The following PYROXD2 variants were observed in gnomAD, a reference collection of about 807,000 sequenced individuals.
The protein encoded by PYROXD2 is pyridine nucleotide-disulphide oxidoreductase domain 2.
PYROXD2 carries 69 observed loss-of-function variants against 71.1 expected under a neutral mutation model. The observed-to-expected ratio is 0.97, with a 90% CI of 0.80 to 1.19. PYROXD2 has a LOEUF of 1.19. Among genes scored for constraint, PYROXD2 ranks in the 50% most tolerant of loss-of-function variants. The probability of loss-of-function intolerance (pLI) is 0.00; values close to 1 mark genes in which losing one functional copy is unlikely to be tolerated. For synonymous variants in PYROXD2, 287 were observed against 302.7 expected (o/e 0.95, Z 0.54); for missense variants, 745 against 748.9 (o/e 0.99, Z 0.06).
chr10:98,409,523 A>G (rs1843717937), intron 2 of PYROXD2, among the ~76,000 whole-genome samples: 1 of 152,206 alleles, frequency 6.6e-6, no homozygotes, highest in African/African-American at 2.4e-5. Flanking sequence ...AAACTAGACT[A>G]ACTACAAGTG....
chr10:98,387,632 T>TG, intron 13 of PYROXD2, among the ~76,000 whole-genome samples: 4 of 47,274 alleles, frequency 8.5e-5, no homozygotes, highest in African/African-American at 1.3e-4. Flanking sequence ...CTGTTTTTTT[T>TG]TTTTTTTTTT....
chr10:98,410,078 C>CA (rs951536827), intron 2 of PYROXD2, among the ~76,000 whole-genome samples: 96 of 133,606 alleles, frequency 7.2e-4, no homozygotes, highest in African/African-American at 2.9e-3. Flanking sequence ...AACTCCGTCT[C>CA]AAAAAAAATT....
chr10:98,414,950 T>C, intron 1 of PYROXD2, 59 bp downstream of exon 1: 2 of 1,566,114 alleles, frequency 1.3e-6, no homozygotes, highest in Admixed American at 1.8e-5. Flanking sequence ...CCCACCAAGC[T>C]CTGAGCAGGG....
In PYROXD2 at chr10:98,400,228, G is replaced by A. The variant is rs777614938; in HGVS notation, c.345C>T (p.Asn115=). 116 of 1,611,906 alleles carry A rather than the reference G, an allele frequency of 7.2e-5. No homozygotes were observed. The highest frequency in any genetic ancestry group is 4.2e-4 in the South Asian group (38 of 90,464). The change falls in exon 5 of 16, where the codon AAC becomes AAT. Residue 115 remains asparagine (N), a synonymous_variant. Transcript: ENST00000370575. ...KKHGLRLHLR[N]PYSFTPMLEE... ...CCAGCATGGGGGTGAAGGAGTAGGGGTTTCGAAGATGAAGCCTCAGCCCAT... is the reference window on the plus strand; with the variant it reads ...CCAGCATGGGGGTGAAGGAGTAGGGATTTCGAAGATGAAGCCTCAGCCCAT...
chr10:98,392,658 G>A, intron 9 of PYROXD2, 92 bp from the exon 10 acceptor site: 1 of 1,544,992 alleles, frequency 6.5e-7, no homozygotes, highest in Non-Finnish European at 8.7e-7. Context: ...CTGCTCCTAG[G>A]CATTCACAAC....
chr10:98,387,473 CACA>C (rs1842791723), intron 13 of PYROXD2, among the ~76,000 whole-genome samples, 166 bp from the exon 14 acceptor site: 1 of 152,146 alleles, frequency 6.6e-6, no homozygotes, highest in Admixed American at 6.5e-5. Context: ...AAAATCAGTC[CACA>C]AGCAAATGAT....
At chr10:98,409,804 G>A (rs763048263) in intron 2 of PYROXD2, among the ~76,000 whole-genome samples, 8 of 152,208 alleles carry the variant, frequency 5.3e-5, no homozygotes, top group East Asian at 1.9e-4. Flanking sequence ...CAGGCCGGGC[G>A]TGGTGGTTCA....
rs778289369 is a variant in PYROXD2, at chr10:98,410,971, G to A, written c.128-13C>T. ...AGTCCGTTGTGTCCTGCAACAAAAC[G>A]GGACAGGGAAGGAAAACATCACTGG... On this transcript the variant is annotated splice_polypyrimidine_tract_variant and intron_variant, in intron 1 of 15. Transcript: ENST00000370575. 5 of 1,561,314 alleles carry A rather than the reference G, an allele frequency of 3.2e-6. No homozygotes were observed. The South Asian group carries it at 3.5e-5, about 11-fold the overall frequency.
chr10:98,395,307 C>T lies in PYROXD2; in HGVS notation c.688-14G>A. The T allele has an allele frequency of 6.2e-7, 1 of 1,614,162 alleles. No individual in the cohort carries two copies. The highest frequency in any genetic ancestry group is 8.5e-7 in the Non-Finnish European group (1 of 1,180,004). On this transcript the variant is annotated splice_polypyrimidine_tract_variant and intron_variant, in intron 7 of 15. Transcript: ENST00000370575. ...CTGATCCAGCACCTGGACAGCACAA[C>T]AGCAGAGAGAAGGGCTTAGGAGCCT...
chr10:98,414,932 T>A, intron 1 of PYROXD2, 77 bp downstream of exon 1: 66 of 1,506,556 alleles, frequency 4.4e-5, no homozygotes, highest in Non-Finnish European at 5.6e-5. Context: ...TGGCTCCCCC[T>A]CCCCCTCCCC....
At chr10:98,413,541 C>T (rs977834482) in intron 1 of PYROXD2, among the ~76,000 whole-genome samples, 1 of 151,974 alleles carries the variant, frequency 6.6e-6, no homozygotes, top group Non-Finnish European at 1.5e-5. Context: ...TGGTGAAACC[C>T]CGTCTCTACT....
intron 10 of PYROXD2, 117 bp downstream of exon 10, chr10:98,392,315 A>C: frequency 2.0e-6 from 3 of 1,493,050 alleles, no homozygotes; most frequent in Non-Finnish European, 1.8e-6. Context: ...TCCCAAATGC[A>C]GAGACTTGGC....
chr10:98,411,327 A>C, intron 1 of PYROXD2: 1 of 267,740 alleles, frequency 3.7e-6, no homozygotes, highest in Admixed American at 5.2e-5. Flanking sequence ...CAGGAGAAGC[A>C]ATGGGTGGCT....
In PYROXD2 at chr10:98,387,286, T is replaced by C. The variant is rs752906066; in HGVS notation, c.1469A>G (p.Tyr490Cys). The change falls in exon 14 of 16, where the codon TAT becomes TGT. Residue 490 changes from tyrosine to cysteine, a missense_variant. By Grantham distance (194) the Tyr-to-Cys change is radical. Transcript: ENST00000370575. ...ADRVFDCIEV[Y>C]APGFKDSVVG... The stretch of plus-strand genomic sequence containing the variant: ...CACAGAGTCCTTGAAGCCAGGGGCA[T>C]AGACCTCGATGCAATCAAACACTGG... 10 of 1,614,014 alleles carry C rather than the reference T, an allele frequency of 6.2e-6. No individual in the cohort carries two copies. Among genetic ancestry groups the C allele is most frequent in the Middle Eastern group, 1.6e-4 (1 of 6,062 alleles).
intron 5 of PYROXD2, among the ~76,000 whole-genome samples, chr10:98,399,324 G>C (rs996757140): frequency 6.6e-6 from 1 of 152,082 alleles, no homozygotes; most frequent in Non-Finnish European, 1.5e-5. Flanking sequence ...ATTAACCTAG[G>C]TTCTTCTTAT....
intron 14 of PYROXD2, among the ~76,000 whole-genome samples, chr10:98,385,903 T>C (rs1428910708): frequency 3.3e-5 from 5 of 152,206 alleles, no homozygotes; most frequent in South Asian, 4.1e-4. Flanking sequence ...CTTTCCTCTA[T>C]ACCTGGACCA....
At chr10:98,405,423 A>C (rs947338181) in intron 4 of PYROXD2, among the ~76,000 whole-genome samples, 3 of 152,198 alleles carry the variant, frequency 2.0e-5, no homozygotes, top group African/African-American at 7.2e-5. Flanking sequence ...GTGGGTGAGT[A>C]GTCTCCAGCC....
chr10:98,413,742 A>C (rs774962728), intron 1 of PYROXD2, among the ~76,000 whole-genome samples: 3 of 152,180 alleles, frequency 2.0e-5, no homozygotes, highest in Non-Finnish European at 4.4e-5. Context: ...TAAAATAAAA[A>C]TAAATTTTAA....
At chr10:98,390,899 G>T in intron 11 of PYROXD2, 111 bp downstream of exon 11, 1 of 1,344,468 alleles carries the variant, frequency 7.4e-7, no homozygotes, top group Non-Finnish European at 1.1e-6. Context: ...GGGGACACAG[G>T]CTGGAGGTCC....
Sources: gnomAD v4.1 joint callset for allele counts (sites outside exome capture counted in the v4.1 genomes callset) on GRCh38, gnomAD v4.1.1 for gene constraint, MANE v1.5 for transcripts, NCBI Gene and HGNC (gene_info 2026-07-23, HGNC 2026-07-21) for gene names.